GPR158: variants seen among roughly 807,000 people sequenced by gnomAD.
GPR158 encodes metabotropic glycine receptor.
In GPR158, 30 loss-of-function variants were observed where a neutral mutation model predicts 78.2. The ratio of observed to expected loss-of-function variants is 0.38; its 90% CI spans 0.29 to 0.52. The LOEUF (loss-of-function observed/expected upper bound fraction) is 0.52, where lower values mean the gene tolerates loss of function less well. Among genes scored for constraint, GPR158 ranks in the 20% least tolerant of loss-of-function variants. The probability of loss-of-function intolerance (pLI) is 0.83; values close to 1 mark genes in which losing one functional copy is unlikely to be tolerated. For synonymous variants in GPR158, 581 were observed against 591.1 expected, an observed-to-expected ratio of 0.98 and a Z score of 0.25; for missense variants, 1,463 against 1,523.5, an observed-to-expected ratio of 0.96 and a Z score of 0.66.
intron 2 of GPR158, among the ~76,000 whole-genome samples, chr10:25,253,869 T>A (rs1853851579): frequency 6.6e-6 from 1 of 152,206 alleles, no homozygotes; most frequent in African/African-American, 2.4e-5. Flanking sequence ...CCACTGCTCT[T>A]TGCCAATTTT....
intron 2 of GPR158, among the ~76,000 whole-genome samples, chr10:25,342,172 C>T (rs113671653): frequency 1.3e-5 from 2 of 151,984 alleles, no homozygotes; most frequent in African/African-American, 4.8e-5. Flanking sequence ...ATTTCTTCCA[C>T]TTCACTTTAA....
chr10:25,269,841 C>T (rs893020276), intron 2 of GPR158, among the ~76,000 whole-genome samples: 2 of 152,146 alleles, frequency 1.3e-5, no homozygotes, highest in Admixed American at 6.6e-5. Context: ...AGTGTTCATC[C>T]TTTAACGTTT....
chr10:25,366,738 CCTGGCCA>C (rs1436600519), intron 2 of GPR158, among the ~76,000 whole-genome samples: 1 of 151,636 alleles, frequency 6.6e-6, no homozygotes, highest in Non-Finnish European at 1.5e-5. Context: ...TGTCCTTGCC[CCTGGCCA>C]CTGGTAATCA....
rs1178261347 is a variant in GPR158 at position 25,175,452 on chromosome 10, G to C, written c.32G>C (p.Cys11Ser). The part of the protein sequence containing the change: MGAMAYPLLL[C>S]LLLAQLGLGA... ...GCCATGGCTTACCCCTTACTCCTCT[G>C]CCTCCTGCTTGCTCAGCTGGGATTG... The change falls in exon 1 of 11, where the codon TGC (cysteine) becomes TCC (serine). Residue 11 changes from cysteine to serine, a missense_variant. Coordinates refer to ENST00000376351, the MANE Select transcript of GPR158 (RefSeq NM_020752.3). The surrounding 1 kb of genome is among the most constrained non-coding windows in gnomAD (Gnocchi z 6.4). The C allele has an allele frequency of 6.2e-7, 1 of 1,600,012 alleles. No homozygotes were observed.
chr10:25,599,350 C>A lies in GPR158; in HGVS notation c.*76C>A. 1 of 1,121,158 alleles carries A rather than the reference C, an allele frequency of 8.9e-7. No homozygotes were observed. The highest frequency in any genetic ancestry group is 1.3e-6 in the Non-Finnish European group (1 of 787,098). The allele number at this position is 1,121,158 out of a possible 1,614,324, so 69.5% of individuals were successfully genotyped here. On this transcript the variant is annotated 3_prime_UTR_variant, in exon 11 of 11. Coordinates refer to ENST00000376351, the MANE Select transcript of GPR158 (RefSeq NM_020752.3). ...CAGAAGATATAAGAATCAAATATTCCCAAGGAGGATTTGTCAATCAAGGAA... is the reference window on the plus strand; with the variant it reads ...CAGAAGATATAAGAATCAAATATTCACAAGGAGGATTTGTCAATCAAGGAA...
chr10:25,214,377 T>C (rs1564393237), intron 1 of GPR158, among the ~76,000 whole-genome samples: 2 of 152,212 alleles, frequency 1.3e-5, no homozygotes, highest in African/African-American at 2.4e-5. Context: ...TAAAATACTT[T>C]TAGACTTTCA....
At chr10:25,345,616 G>A (rs1855361864) in intron 2 of GPR158, among the ~76,000 whole-genome samples, 2 of 151,980 alleles carry the variant, frequency 1.3e-5, no homozygotes, top group African/African-American at 4.8e-5. Context: ...CAAATGTACT[G>A]TTGATGCTAT....
intron 2 of GPR158, among the ~76,000 whole-genome samples, chr10:25,350,171 C>T (rs889836015): frequency 4.0e-5 from 6 of 151,606 alleles, no homozygotes; most frequent in South Asian, 2.1e-4. Flanking sequence ...TTGGGTTGAC[C>T]GTAACTTACA....
chr10:25,522,772 A>G (rs1836295578), intron 5 of GPR158, among the ~76,000 whole-genome samples: 1 of 152,214 alleles, frequency 6.6e-6, no homozygotes, highest in East Asian at 1.9e-4. Flanking sequence ...CCTCTAGAGA[A>G]AGTAGAAGAC....
intron 5 of GPR158, among the ~76,000 whole-genome samples, chr10:25,533,733 A>G (rs1836454896): frequency 6.6e-6 from 1 of 152,176 alleles, no homozygotes; most frequent in Non-Finnish European, 1.5e-5. Context: ...TAAAACATCC[A>G]GCCTCCATCA....
intron 3 of GPR158, among the ~76,000 whole-genome samples, chr10:25,405,587 A>T (rs1008462269): frequency 9.2e-5 from 12 of 130,436 alleles, no homozygotes; most frequent in Admixed American, 2.8e-4. Context: ...GGGCCTCCAG[A>T]TGTTAAAAGC....
chr10:25,302,661 AC>A (rs1854616465), intron 2 of GPR158, among the ~76,000 whole-genome samples: 1 of 152,122 alleles, frequency 6.6e-6, no homozygotes, highest in African/African-American at 2.4e-5. Flanking sequence ...TTTTAAGATA[AC>A]TTGTACAATA....
intron 1 of GPR158, among the ~76,000 whole-genome samples, chr10:25,204,230 T>C (rs1387120968): frequency 1.3e-5 from 2 of 152,212 alleles, no homozygotes; most frequent in South Asian, 2.1e-4. Context: ...CTTTTCCTAA[T>C]TGAATACCCT....
At chr10:25,422,699 TG>T (rs901404344) in intron 4 of GPR158, among the ~76,000 whole-genome samples, 2 of 152,040 alleles carry the variant, frequency 1.3e-5, no homozygotes, top group African/African-American at 2.4e-5. Context: ...GAGAATTTCT[TG>T]TGTTATTATT....
At chr10:25,245,279 G>C (rs1460904145) in intron 2 of GPR158, among the ~76,000 whole-genome samples, 1 of 152,236 alleles carries the variant, frequency 6.6e-6, no homozygotes, top group Non-Finnish European at 1.5e-5. Flanking sequence ...GCCCGTGATA[G>C]ATCAGGTCTT....
intron 2 of GPR158, among the ~76,000 whole-genome samples, chr10:25,273,119 G>C (rs1318630776): frequency 1.3e-5 from 2 of 152,090 alleles, no homozygotes; most frequent in African/African-American, 4.8e-5. Context: ...TTGATTTCTG[G>C]TTCCTGAAAA....
chr10:25,263,874 T>C (rs981673998), intron 2 of GPR158, among the ~76,000 whole-genome samples: 3 of 152,160 alleles, frequency 2.0e-5, no homozygotes, highest in Non-Finnish European at 4.4e-5. Context: ...GAGATAGAGA[T>C]TGCAGTGAGC....
Sources: gnomAD v4.1 joint callset for allele counts (sites outside exome capture counted in the v4.1 genomes callset) on GRCh38, gnomAD v4.1.1 for gene constraint, Gnocchi (gnomAD v3.1) non-coding constraint, MANE v1.5 for transcripts, NCBI Gene and HGNC (gene_info 2026-07-23, HGNC 2026-07-21) for gene names.